The following CABP5 variants were observed in gnomAD, a reference collection of about 807,000 sequenced individuals.
CABP5 encodes calcium-binding protein 5.
In CABP5, 17 loss-of-function variants were observed where a neutral mutation model predicts 21.9. The ratio of observed to expected loss-of-function variants is 0.78; its 90% CI spans 0.53 to 1.17. The LOEUF (loss-of-function observed/expected upper bound fraction) is 1.17, where lower values mean the gene tolerates loss of function less well. CABP5 is among the 50% of genes most tolerant of loss of function. The probability of loss-of-function intolerance (pLI) is 0.00; values close to 1 mark genes in which losing one functional copy is unlikely to be tolerated. For synonymous variants in CABP5, 85 were observed against 79.4 expected (o/e 1.07, Z -0.37); for missense variants, 229 against 228.9 (o/e 1.00, Z 0.00).
chr19:48,037,889 C>T (rs1193592864), intron 4 of CABP5, among the ~76,000 whole-genome samples: 2 of 152,114 alleles, frequency 1.3e-5, no homozygotes, highest in Non-Finnish European at 1.5e-5. Flanking sequence ...TCACGTTACA[C>T]TTACAGCACT....
At chr19:48,034,520 G>GTT (rs35163057) in intron 4 of CABP5, among the ~76,000 whole-genome samples, 158 bp from the exon 5 acceptor site, 2 of 138,516 alleles carry the variant, frequency 1.4e-5, no homozygotes, top group African/African-American at 5.4e-5. Context: ...GTTTTGTTCT[G>GTT]TTTTTTTTTT....
chr19:48,036,264 G>A (rs1967407721), intron 4 of CABP5, among the ~76,000 whole-genome samples: 1 of 152,158 alleles, frequency 6.6e-6, no homozygotes, highest in African/African-American at 2.4e-5. Context: ...GACTGAGCAC[G>A]GAGCAGCAAG....
In CABP5 at chr19:48,034,280, G is replaced by C. The variant is rs114751600; in HGVS notation, c.431C>G (p.Pro144Arg). ...CCGGACAACCTCAGAGATCTCCCGG[G>C]GGGTGAGCCGCTCCCCCAGGAGTCT... ...MQRLLGERLT[P>R]REISEVVREA... Residue 144 changes from proline (P) to arginine (R), a missense_variant, in exon 5 of 6, where the codon CCC (proline) becomes CGC (arginine). Coordinates refer to ENST00000293255, the MANE Select transcript of CABP5 (RefSeq NM_019855.5). The C allele has an allele frequency of 7.2e-4, 1,162 of 1,608,278 alleles. 10 individuals carry two copies. In the African/African-American group the frequency reaches 0.014, roughly 19 times the overall value.
At chr19:48,040,480 C>T (rs1439261348) in intron 3 of CABP5, 125 bp downstream of exon 3, 3 of 965,580 alleles carry the variant, frequency 3.1e-6, no homozygotes, top group Admixed American at 2.5e-5. Context: ...CTGTTTTCTT[C>T]CAGACTTCTA....
chr19:48,035,001 G>A (rs11670551), intron 4 of CABP5, among the ~76,000 whole-genome samples: 45,937 of 151,956 alleles, frequency 0.3, 7,854 homozygotes, highest in Non-Finnish European at 0.39. Flanking sequence ...TTACTTTTTA[G>A]GTGATTTTTG....
intron 1 of CABP5, among the ~76,000 whole-genome samples, chr19:48,043,581 G>T: frequency 2.4e-4 from 1 of 4,104 alleles, no homozygotes; most frequent in African/African-American, 8.5e-4. Flanking sequence ...AGAAAAGAAT[G>T]ATGGTAATCT....
chr19:48,029,428 C>T lies in CABP5; in HGVS notation c.*1129G>A, dbSNP rs1245530283. Among the ~76,000 whole-genome samples, 4 of 152,036 alleles carry T rather than the reference C, an allele frequency of 2.6e-5. No individual in the cohort carries two copies. The highest frequency in any genetic ancestry group is 9.7e-5 in the African/African-American group (4 of 41,398). ...GACTTTTATTTTAACCTTTGCATTG[C>T]TGGAGTGTCTTGCTTTGGGCGGAGG... On this transcript the variant is annotated 3_prime_UTR_variant, in exon 6 of 6. Transcript: ENST00000293255.
At chr19:48,041,673 C>T in intron 1 of CABP5, 70 bp from the exon 2 acceptor site, 2 of 1,384,000 alleles carry the variant, frequency 1.4e-6, no homozygotes, top group South Asian at 1.3e-5. Flanking sequence ...TCTCCTTGTT[C>T]TCCCAAGCTC....
chr19:48,039,082 A>C, intron 4 of CABP5, 126 bp downstream of exon 4: 3 of 686,790 alleles, frequency 4.4e-6, no homozygotes, highest in Non-Finnish European at 7.8e-6. Flanking sequence ...TATTGATCCC[A>C]CCATGGCTGG....
Position 48,041,031 on chromosome 19 carries a change from G to C in CABP5, c.95-283C>G, listed in dbSNP as rs569714744. On this transcript the variant is annotated intron_variant, in intron 2 of 5. Transcript: ENST00000293255. ...ATCTCTACTAAATACAAAAAAATTA[G>C]CTGGGCATGGTGGCTCATGCCTTTG... Among the ~76,000 whole-genome samples the C allele has an allele frequency of 2.0e-5, 3 of 148,062 alleles. No homozygotes were observed. The East Asian group carries it at 5.9e-4, about 29-fold the overall frequency.
chr19:48,037,877 G>A (rs1314981703), intron 4 of CABP5, among the ~76,000 whole-genome samples: 1 of 152,104 alleles, frequency 6.6e-6, no homozygotes, highest in Non-Finnish European at 1.5e-5. Context: ...TTAATACAGT[G>A]TTCACGTTAC....
intron 4 of CABP5, among the ~76,000 whole-genome samples, chr19:48,038,495 T>C (rs1390931257): frequency 2.0e-5 from 3 of 152,152 alleles, no homozygotes; most frequent in Non-Finnish European, 2.9e-5. Flanking sequence ...CCTTCTGGGA[T>C]CTCAAATTCT....
intron 5 of CABP5, 132 bp from the exon 6 acceptor site, chr19:48,030,714 C>T (rs1316592098): frequency 1.2e-6 from 1 of 806,102 alleles, no homozygotes; most frequent in Non-Finnish European, 2.0e-6. Context: ...TCTATGCTTC[C>T]ATTTCTCCAT....
chr19:48,037,288 G>T (rs1037561211), intron 4 of CABP5, among the ~76,000 whole-genome samples: 1 of 10,606 alleles, frequency 9.4e-5, no homozygotes, highest in East Asian at 4.9e-3. Flanking sequence ...TTTTTTTTGA[G>T]GTGGAGTTTC....
At chr19:48,042,595 GAC>G (rs1164780753) in intron 1 of CABP5, among the ~76,000 whole-genome samples, 41 of 137,130 alleles carry the variant, frequency 3.0e-4, no homozygotes, top group Non-Finnish European at 7.7e-5. Flanking sequence ...TTTTTTTTGA[GAC>G]ACAGTCTCGC....
In CABP5 at chr19:48,029,794, C is replaced by CAGAGAGAGAGAG. The variant is rs1404400701; in HGVS notation, c.*762_*763insCTCTCTCTCTCT. On this transcript the variant is annotated 3_prime_UTR_variant, in exon 6 of 6. Coordinates refer to ENST00000293255, the MANE Select transcript of CABP5 (RefSeq NM_019855.5). ...ATGTGGGAGGGGAGACAGAGACAGA[C>CAGAGAGAGAGAG]AGACAGAGAGAGAGAGAGAGAGAGA... 1.7e-3 allele frequency among the ~76,000 whole-genome samples: 144 copies of CAGAGAGAGAGAG among 85,416 alleles called. No homozygotes were observed. Among genetic ancestry groups the CAGAGAGAGAGAG allele is most frequent in the African/African-American group, 3.9e-3 (98 of 24,952 alleles). 56.0% of individuals were successfully genotyped at this position (85,416 alleles called of 152,430 possible). A position where few individuals can be genotyped will look rare whatever the true frequency, so the allele number is the denominator to read the frequency against.
rs374578274 is a variant in CABP5 at position 48,030,370 on chromosome 19, G to A, written c.*187C>T. ...TCCTTCTTAATCTAGTTCTGCAGAC[G>A]CCCCCATCCTGGCAAAGATACCGCT... On this transcript the variant is annotated 3_prime_UTR_variant, in exon 6 of 6. Coordinates refer to ENST00000293255, the MANE Select transcript of CABP5 (RefSeq NM_019855.5). The A allele has an allele frequency of 5.6e-5, 30 of 535,936 alleles. No individual in the cohort carries two copies. The highest frequency in any genetic ancestry group is 1.0e-4 in the Non-Finnish European group (30 of 301,286). The allele number at this position is 535,936 out of a possible 1,614,324, so 33.2% of individuals were successfully genotyped here. A position where few individuals can be genotyped will look rare whatever the true frequency, so the allele number is the denominator to read the frequency against.
rs1297895754 is a variant in CABP5, at chr19:48,030,127, G to T, written c.*430C>A. On this transcript the variant is annotated 3_prime_UTR_variant, in exon 6 of 6. Transcript: ENST00000293255. ...GGAGAGAGAAACGGGATTTGCAACA[G>T]TTGATGCAGGCAGGGGAAGAGTAGA... is the stretch of plus-strand genomic sequence containing the variant. 3.0e-5 allele frequency: 5 copies of T among 168,426 alleles called. No homozygotes were observed. The highest frequency in any genetic ancestry group is 6.3e-5 in the Non-Finnish European group (5 of 79,276). 10.4% of individuals were successfully genotyped at this position (168,426 alleles called of 1,614,324 possible). A position where few individuals can be genotyped will look rare whatever the true frequency, so the allele number is the denominator to read the frequency against.
At position 48,041,101 on chromosome 19, in the gene CABP5, G is replaced by A. The variant is rs556217936; in HGVS notation, c.95-353C>T. 2.6e-5 allele frequency among the ~76,000 whole-genome samples: 4 copies of A among 152,218 alleles called. No individual in the cohort carries two copies. In the South Asian group the frequency reaches 6.2e-4, roughly 24 times the overall value. On this transcript the variant is annotated intron_variant, in intron 2 of 5. Coordinates refer to ENST00000293255, the MANE Select transcript of CABP5 (RefSeq NM_019855.5). ...CTGCCTCAGCCAAGGCAGAAGAATC[G>A]CTTGAACCTGGGAGGCGGAGGTAGC...
Sources: allele counts gnomAD v4.1 joint callset (sites outside exome capture counted in the v4.1 genomes callset), GRCh38; gene constraint gnomAD v4.1.1; transcripts MANE v1.5; gene names NCBI Gene and HGNC (gene_info 2026-07-23, HGNC 2026-07-21).